EWSR1: variants seen among roughly 807,000 people sequenced by gnomAD.
EWSR1 encodes RNA-binding protein EWS.
EWSR1 carries 14 observed loss-of-function variants against 92.1 expected under a neutral mutation model. That is an observed-to-expected ratio of 0.15 (90% confidence interval 0.10 to 0.24). EWSR1 has a LOEUF of 0.24. EWSR1 is among the 10% of genes least tolerant of loss of function. EWSR1 has a pLI of 1.00. For missense variants in EWSR1, 637 were observed against 870.9 expected (o/e 0.73, Z 3.38); for synonymous variants, 303 against 292.9 (o/e 1.03, Z -0.35).
chr22:29,268,869 C>G (rs1714790919), intron 1 of EWSR1, among the ~76,000 whole-genome samples: 1 of 152,212 alleles, frequency 6.6e-6, no homozygotes, highest in South Asian at 2.1e-4. Flanking sequence ...GAGCGGGAGC[C>G]CCGTCATCCT....
rs182991554 is a variant in EWSR1, at chr22:29,283,525, T to C, written c.581+968T>C. Among the ~76,000 whole-genome samples the C allele has an allele frequency of 1.8e-3, 274 of 151,080 alleles. 3 individuals are homozygous for C. Among genetic ancestry groups the C allele is most frequent in the Middle Eastern group, 6.8e-3 (2 of 294 alleles). The stretch of plus-strand genomic sequence containing the variant: ...CACCACACCTGACTAACTTTTCTTT[T>C]TGTTTTATTGTTGTTTTGAGATGGA... On this transcript the variant is annotated intron_variant, in intron 6 of 16. Coordinates refer to ENST00000397938, the MANE Select transcript of EWSR1 (RefSeq NM_005243.4).
chr22:29,286,455 G>A (rs375622752), intron 6 of EWSR1, among the ~76,000 whole-genome samples: 11 of 151,918 alleles, frequency 7.2e-5, no homozygotes, highest in East Asian at 3.9e-4. Context: ...TTGGGAGGCC[G>A]AGGTGGGCGG....
chr22:29,288,481 G>C (rs1343705135), intron 7 of EWSR1, 125 bp from the exon 8 acceptor site: 1 of 832,738 alleles, frequency 1.2e-6, no homozygotes, highest in East Asian at 2.7e-5. Flanking sequence ...GCTTTATCGT[G>C]ATGTAAAGAA....
At chr22:29,269,225 T>A (rs577877058) in intron 1 of EWSR1, 15 of 152,334 alleles carry the variant, frequency 9.8e-5, no homozygotes, top group African/African-American at 3.6e-4. Context: ...AGCCTTCATT[T>A]GAATTATGTT....
chr22:29,289,076 G>A (rs1198419323), intron 8 of EWSR1: 1 of 346,568 alleles, frequency 2.9e-6, no homozygotes, highest in Non-Finnish European at 5.2e-6. Flanking sequence ...AGAAGCCTCT[G>A]TGGGTAGTAG....
At chr22:29,284,201 C>G (rs2059842218) in intron 6 of EWSR1, among the ~76,000 whole-genome samples, 1 of 151,314 alleles carries the variant, frequency 6.6e-6, no homozygotes. Context: ...AACTCCTGGC[C>G]TCAAGTGATC....
intron 8 of EWSR1, chr22:29,291,204 C>G (rs911982028): frequency 7.1e-6 from 2 of 280,822 alleles, no homozygotes; most frequent in African/African-American, 4.3e-5. Flanking sequence ...TTTATCACAG[C>G]AGTTAACCCC....
At chr22:29,278,807 A>G (rs905653655) in intron 5 of EWSR1, among the ~76,000 whole-genome samples, 2 of 150,232 alleles carry the variant, frequency 1.3e-5, no homozygotes, top group African/African-American at 4.9e-5. Context: ...CCTGGGAGAC[A>G]TAGCAAGACT....
At chr22:29,296,472 G>A in intron 12 of EWSR1, 104 bp downstream of exon 12, 1 of 1,402,012 alleles carries the variant, frequency 7.1e-7, no homozygotes. Context: ...ATCTCTTCCT[G>A]GGGGAGGTAG....
chr22:29,271,742 C>G (rs1480679465), intron 1 of EWSR1, among the ~76,000 whole-genome samples: 1 of 152,144 alleles, frequency 6.6e-6, no homozygotes, highest in Non-Finnish European at 1.5e-5. Flanking sequence ...GTCTAACTTG[C>G]TAAAGTGAGG....
intron 1 of EWSR1, among the ~76,000 whole-genome samples, chr22:29,271,147 A>C (rs2058648287): frequency 6.6e-6 from 1 of 152,224 alleles, no homozygotes; most frequent in South Asian, 2.1e-4. Context: ...CTACTTTCTG[A>C]TTGGAAAATA....
rs1372290892 is a variant in EWSR1 at position 29,299,678 on chromosome 22, A to G, written c.1758A>G (p.Gly586=). ...TCATGGATCGTGGTGGTCCCGGTGG[A>G]ATGTTCAGAGGTGGCCGTGGTGGAG... ...GGLMDRGGPG[G]MFRGGRGGDR... is the part of the protein sequence containing the mutation. Residue 586 remains glycine (G), a synonymous_variant, in exon 16 of 17, where the codon GGA becomes GGG. Transcript: ENST00000397938. 6 of 1,611,032 alleles carry G rather than the reference A, an allele frequency of 3.7e-6. No homozygotes were observed. Among genetic ancestry groups the G allele is most frequent in the Admixed American group, 3.3e-5 (2 of 59,890 alleles).
In EWSR1 at chr22:29,292,585, T is replaced by A. The variant is rs749052439; in HGVS notation, c.1143T>A (p.Phe381Leu). Residue 381 changes from phenylalanine to leucine, a missense_variant, in exon 11 of 17, where the codon TTT becomes TTA. Transcript: ENST00000397938. ...SVTLDDLADF[F>L]KQCGVVKMNK... ...CTCTAGATGATCTGGCAGACTTCTT[T>A]AAGCAGTGTGGGGTTGTTAAGGTCA... The A allele has an allele frequency of 6.2e-7, 1 of 1,613,354 alleles. No homozygotes were observed. The highest frequency in any genetic ancestry group is 1.1e-5 in the South Asian group (1 of 91,070).
intron 8 of EWSR1, chr22:29,289,048 T>G: frequency 2.4e-6 from 1 of 413,624 alleles, no homozygotes; most frequent in Non-Finnish European, 4.3e-6. Context: ...TCAGTTCCCT[T>G]CATGGTTTCC....
At position 29,280,862 on chromosome 22, in the gene EWSR1, G is replaced by GT. The variant is rs71196650; in HGVS notation, c.414-1491dup. Among the ~76,000 whole-genome samples the GT allele has an allele frequency of 8.7e-4, 55 of 62,896 alleles. 8 individuals carry two copies. Among genetic ancestry groups the GT allele is most frequent in the Non-Finnish European group, 1.4e-3 (44 of 32,238 alleles). The allele number at this position is 62,896 out of a possible 152,430, so 41.3% of individuals were successfully genotyped here. On this transcript the variant is annotated intron_variant, in intron 5 of 16. Coordinates refer to ENST00000397938, the MANE Select transcript of EWSR1 (RefSeq NM_005243.4). ...CTAATTTTGTGTGTGTGTGTGTGTT[G>GT]TTTTTTTTTTTTTTTTTTTTTTTTT... is the stretch of plus-strand genomic sequence containing the variant.
At chr22:29,275,347 C>T (rs1385396406) in intron 4 of EWSR1, among the ~76,000 whole-genome samples, 1 of 152,178 alleles carries the variant, frequency 6.6e-6, no homozygotes, top group Non-Finnish European at 1.5e-5. Context: ...TAATGGTTCT[C>T]TAGAGCCATG....
chr22:29,298,011 A>C, intron 13 of EWSR1, 62 bp downstream of exon 13: 2 of 1,519,692 alleles, frequency 1.3e-6, no homozygotes, highest in Non-Finnish European at 1.8e-6. Context: ...TACCCTTGAG[A>C]AACTTGATTA....
intron 12 of EWSR1, 77 bp downstream of exon 12, chr22:29,296,445 G>A (rs2060867193): frequency 5.8e-6 from 9 of 1,553,278 alleles, no homozygotes; most frequent in South Asian, 1.2e-5. Context: ...TGAACCATAG[G>A]AGCAAGAAGA....
rs1405443225 is a variant in EWSR1, at chr22:29,299,876, T to C, written c.1931+25T>C. The C allele has an allele frequency of 3.3e-6, 5 of 1,532,474 alleles. No homozygotes were observed. In the South Asian group the frequency reaches 3.8e-5, roughly 12 times the overall value. The allele number at this position is 1,532,474 out of a possible 1,614,324, so 94.9% of individuals were successfully genotyped here. A position where few individuals can be genotyped will look rare whatever the true frequency, so the allele number is the denominator to read the frequency against. On this transcript the variant is annotated intron_variant, in intron 16 of 16. Coordinates refer to ENST00000397938, the MANE Select transcript of EWSR1 (RefSeq NM_005243.4). ...AGTAAGTGCTGGTGAAAAGCAGCTG[T>C]GGGCCGCCAGGCACAGTAAGAGGAC...
Sources: allele counts gnomAD v4.1 joint callset (sites outside exome capture counted in the v4.1 genomes callset), GRCh38; gene constraint gnomAD v4.1.1; transcripts MANE v1.5; gene names NCBI Gene and HGNC (gene_info 2026-07-23, HGNC 2026-07-21).